Variants in SLC35C1 observed in about 807,000 individuals in gnomAD.
SLC35C1 encodes the protein solute carrier family 35 member C1, also known as GDP-fucose transporter 1.
SLC35C1 carries 8 observed loss-of-function variants against 23.2 expected under a neutral mutation model. The ratio of observed to expected loss-of-function variants is 0.35; its 90% confidence interval spans 0.20 to 0.62. SLC35C1 has a LOEUF of 0.62. Among genes scored for constraint, SLC35C1 ranks in the 20% least tolerant of loss-of-function variants. The pLI is 0.75. For missense variants in SLC35C1, 422 were observed against 478.6 expected (o/e 0.88, Z 1.10); for synonymous variants, 226 against 225.1 (o/e 1.00, Z -0.04).
rs1329037390 is a variant in SLC35C1, at chr11:45,812,002, G to A, written c.*667G>A. ...CTGTATGTCCAGCTTTTGAACACAA[G>A]GGAACCATGCTTCTCTTAGAGGTTA... On this transcript the variant is annotated 3_prime_UTR_variant, in exon 2 of 2. Coordinates refer to ENST00000314134, the MANE Select transcript of SLC35C1 (RefSeq NM_018389.5). 1.3e-5 allele frequency: 2 copies of A among 158,366 alleles called. No homozygotes were observed. Among genetic ancestry groups the A allele is most frequent in the African/African-American group, 4.8e-5 (2 of 41,534 alleles). 9.8% of individuals were successfully genotyped at this position (158,366 alleles called of 1,614,324 possible). A position where few individuals can be genotyped will look rare whatever the true frequency, so the allele number is the denominator to read the frequency against.
rs148127105 is a variant in SLC35C1 at position 45,812,657 on chromosome 11, A to G, written c.*1322A>G. On this transcript the variant is annotated 3_prime_UTR_variant, in exon 2 of 2. Transcript: ENST00000314134. ...CCCTGTTCATGAGGGTTCCGCCCCC[A>G]TGACCCAATCAGCTCCAAAGGCCCC... The G allele has an allele frequency of 7.8e-4, 357 of 455,960 alleles. 3 individuals are homozygous for G. Among genetic ancestry groups the G allele is most frequent in the African/African-American group, 6.6e-3 (329 of 50,166 alleles). 28.2% of individuals were successfully genotyped at this position (455,960 alleles called of 1,614,324 possible). A position where few individuals can be genotyped will look rare whatever the true frequency, so the allele number is the denominator to read the frequency against.
Position 45,812,093 on chromosome 11 carries a change from C to G in SLC35C1, c.*758C>G, listed in dbSNP as rs1482942116. The G allele has an allele frequency of 1.1e-5, 2 of 185,534 alleles. No homozygotes were observed. The highest frequency in any genetic ancestry group is 4.7e-5 in the African/African-American group (2 of 42,956). 11.5% of individuals were successfully genotyped at this position (185,534 alleles called of 1,614,324 possible). On this transcript the variant is annotated 3_prime_UTR_variant, in exon 2 of 2. Transcript: ENST00000314134. ...ATTGTCCTGCGTGGCTCCTCTGGCCCTGAGTGGCACCTGTCCCTCTGGTCT... is the reference window on the plus strand; with the variant it reads ...ATTGTCCTGCGTGGCTCCTCTGGCCGTGAGTGGCACCTGTCCCTCTGGTCT...
At chr11:45,807,788 C>T (rs1227235337) in intron 1 of SLC35C1, among the ~76,000 whole-genome samples, 1 of 152,138 alleles carries the variant, frequency 6.6e-6, no homozygotes, top group African/African-American at 2.4e-5. Flanking sequence ...CCTGCCAGAA[C>T]TCTCCCAGCC....
At position 45,805,792 on chromosome 11, in the gene SLC35C1, C is replaced by G. The variant is rs1175595531; in HGVS notation, c.-10C>G. On this transcript the variant is annotated 5_prime_UTR_variant, in exon 1 of 2. Transcript: ENST00000314134. ...TTCTGGCCGCGGGGTGACCCAGCTC[C>G]TCTGCTACCATGAATAGGGCCCCTC... is the stretch of plus-strand genomic sequence containing the variant. 1.2e-6 allele frequency: 2 copies of G among 1,612,460 alleles called. No individual in the cohort carries two copies. The highest frequency in any genetic ancestry group is 3.3e-5 in the Admixed American group (2 of 60,034).
upstream of SLC35C1, chr11:45,804,865 CG>C: frequency 3.4e-5 from 34 of 985,818 alleles, no homozygotes; most frequent in South Asian, 4.7e-5. Context: ...CTAGCCAAGT[CG>C]GGGGACGGAG....
chr11:45,811,625 T>C lies in SLC35C1; in HGVS notation c.*290T>C. The C allele has an allele frequency of 2.9e-6, 1 of 344,010 alleles. No homozygotes were observed. Among genetic ancestry groups the C allele is most frequent in the Non-Finnish European group, 5.3e-6 (1 of 188,592 alleles). 21.3% of individuals were successfully genotyped at this position (344,010 alleles called of 1,614,324 possible). On this transcript the variant is annotated 3_prime_UTR_variant, in exon 2 of 2. Transcript: ENST00000314134. ...TCCCGAGGGAGCACCCTAGTGAGAG[T>C]TGAACCCCTTCCTTCTGCCTCCAGG...
Position 45,811,355 on chromosome 11 carries a change from T to C in SLC35C1, c.*20T>C. The stretch of plus-strand genomic sequence containing the variant: ...GTGTGAGCACCACAGGCACCCTGGA[T>C]GGCCCGGCCCCGGGGCCCGTACACA... On this transcript the variant is annotated 3_prime_UTR_variant, in exon 2 of 2. Transcript: ENST00000314134. 6.7e-7 allele frequency: 1 copy of C among 1,482,530 alleles called. No individual in the cohort carries two copies. The allele number at this position is 1,482,530 out of a possible 1,614,324, so 91.8% of individuals were successfully genotyped here. A position where few individuals can be genotyped will look rare whatever the true frequency, so the allele number is the denominator to read the frequency against.
Position 45,805,780 on chromosome 11 carries a change from G to T in SLC35C1, c.-22G>T. ...AGGGAATCAGAGTTCTGGCCGCGGG[G>T]TGACCCAGCTCCTCTGCTACCATGA... On this transcript the variant is annotated 5_prime_UTR_variant, in exon 1 of 2. Coordinates refer to ENST00000314134, the MANE Select transcript of SLC35C1 (RefSeq NM_018389.5). The T allele has an allele frequency of 6.2e-7, 1 of 1,610,812 alleles. No individual in the cohort carries two copies. The highest frequency in any genetic ancestry group is 8.5e-7 in the Non-Finnish European group (1 of 1,179,940).
Position 45,805,186 on chromosome 11 carries a change from A to G in SLC35C1, c.-616A>G. 3 of 990,746 alleles carry G rather than the reference A, an allele frequency of 3.0e-6. No homozygotes were observed. The highest frequency in any genetic ancestry group is 3.6e-6 in the Non-Finnish European group (3 of 832,800). 61.4% of individuals were successfully genotyped at this position (990,746 alleles called of 1,614,324 possible). On this transcript the variant is annotated 5_prime_UTR_variant, in exon 1 of 2. Coordinates refer to ENST00000314134, the MANE Select transcript of SLC35C1 (RefSeq NM_018389.5). ...GAGGCTCCTGGGCTGAGCCGGCGAC[A>G]GAGCCCGGGAAGGCAGCGAGACGTG...
chr11:45,809,849 ACTG>A, intron 1 of SLC35C1: 2 of 985,452 alleles, frequency 2.0e-6, no homozygotes, highest in Non-Finnish European at 2.4e-6. Flanking sequence ...AAAAGACCAG[ACTG>A]TCACCATGGG....
Position 45,812,445 on chromosome 11 carries a change from T to G in SLC35C1, c.*1110T>G. The G allele has an allele frequency of 2.4e-6, 1 of 417,344 alleles. No individual in the cohort carries two copies. The highest frequency in any genetic ancestry group is 1.7e-5 in the South Asian group (1 of 58,872). 25.9% of individuals were successfully genotyped at this position (417,344 alleles called of 1,614,324 possible). A position where few individuals can be genotyped will look rare whatever the true frequency, so the allele number is the denominator to read the frequency against. Reference sequence around the variant, plus strand: ...ATCAAAATGCCGTAGGCCGGGTGGCTTACAAACAACAGAAACGTATTGCTC... The same window carrying G: ...ATCAAAATGCCGTAGGCCGGGTGGCGTACAAACAACAGAAACGTATTGCTC... On this transcript the variant is annotated 3_prime_UTR_variant, in exon 2 of 2. Transcript: ENST00000314134.
Position 45,812,154 on chromosome 11 carries a change from C to T in SLC35C1, c.*819C>T. ...GGCCCAGGTAACAGCCTTCTGAAAG[C>T]AGAGCCAAGGAGCTGCTTCTCTCTT... On this transcript the variant is annotated 3_prime_UTR_variant, in exon 2 of 2. Transcript: ENST00000314134. 5.2e-6 allele frequency: 1 copy of T among 192,240 alleles called. No homozygotes were observed. The highest frequency in any genetic ancestry group is 1.1e-5 in the Non-Finnish European group (1 of 90,230). The allele number at this position is 192,240 out of a possible 1,614,324, so 11.9% of individuals were successfully genotyped here. A position where few individuals can be genotyped will look rare whatever the true frequency, so the allele number is the denominator to read the frequency against.
chr11:45,804,385 G>C (rs1263007291), upstream of SLC35C1: 10 of 677,918 alleles, frequency 1.5e-5, no homozygotes, highest in Non-Finnish European at 1.8e-5. Flanking sequence ...GATGCAGCAC[G>C]GGGTCGCGGG....
At position 45,812,760 on chromosome 11, in the gene SLC35C1, C is replaced by T. The variant is rs763136393; in HGVS notation, c.*1425C>T. The T allele has an allele frequency of 1.2e-5, 5 of 432,408 alleles. No homozygotes were observed. Among genetic ancestry groups the T allele is most frequent in the Non-Finnish European group, 2.3e-5 (5 of 213,120 alleles). 26.8% of individuals were successfully genotyped at this position (432,408 alleles called of 1,614,324 possible). ...GGGAGTGGGGGACACACACAAATTT[C>T]GGGGCCATACCACCCTTCACCACAC... On this transcript the variant is annotated 3_prime_UTR_variant, in exon 2 of 2. Coordinates refer to ENST00000314134, the MANE Select transcript of SLC35C1 (RefSeq NM_018389.5).
At chr11:45,810,431 T>TAC in intron 1 of SLC35C1, 3 of 985,460 alleles carry the variant, frequency 3.0e-6, no homozygotes, top group Non-Finnish European at 3.6e-6. Context: ...GTCGCCCACT[T>TAC]ACAGGCTCTC....
At chr11:45,806,378 G>C (rs1471286208) in intron 1 of SLC35C1, 42 bp downstream of exon 1, 1 of 1,604,562 alleles carries the variant, frequency 6.2e-7, no homozygotes, top group South Asian at 1.1e-5. Flanking sequence ...GTGGTCATGG[G>C]GACTGAAGCA....
In SLC35C1 at chr11:45,805,758, G is replaced by A. The variant is rs766594374; in HGVS notation, c.-44G>A. ...TGAGCTCACTGCCCTGGACTCCAGG[G>A]AATCAGAGTTCTGGCCGCGGGGTGA... On this transcript the variant is annotated 5_prime_UTR_variant, in exon 1 of 2. Transcript: ENST00000314134. 1.9e-6 allele frequency: 3 copies of A among 1,607,168 alleles called. No homozygotes were observed. Among genetic ancestry groups the A allele is most frequent in the Non-Finnish European group, 1.7e-6 (2 of 1,179,876 alleles).
rs150743224 is a variant in SLC35C1, at chr11:45,811,143, G to A, written c.903G>A (p.Thr301=). ...TSPLTHNVSG[T]AKACAQTVLA... is the part of the protein sequence containing the mutation. ...CGCTGACCCACAATGTGTCGGGCAC[G>A]GCCAAGGCCTGTGCCCAGACAGTGC... The change falls in exon 2 of 2, where the codon ACG becomes ACA. Residue 301 remains threonine, a synonymous_variant. Coordinates refer to ENST00000314134, the MANE Select transcript of SLC35C1 (RefSeq NM_018389.5). 1.1e-5 allele frequency: 18 copies of A among 1,611,484 alleles called. No individual in the cohort carries two copies. The highest frequency in any genetic ancestry group is 2.7e-5 in the African/African-American group (2 of 74,950).
At position 45,806,087 on chromosome 11, in the gene SLC35C1, G is replaced by T; in HGVS notation, c.286G>T (p.Ala96Ser). Residue 96 changes from alanine (A) to serine (S), a missense_variant, in exon 1 of 2, where the codon GCC becomes TCC. Transcript: ENST00000314134. ...GTGCAAAGGCCTCAGCGCTCTGGCCGCCTGCTGCCCTGGTGCCGTGGACTT... is the reference window on the plus strand; with the variant it reads ...GTGCAAAGGCCTCAGCGCTCTGGCCTCCTGCTGCCCTGGTGCCGTGGACTT... The part of the protein sequence containing the change: ...LLCKGLSALA[A>S]CCPGAVDFPS... The T allele has an allele frequency of 6.2e-7, 1 of 1,611,450 alleles. No individual in the cohort carries two copies. Among genetic ancestry groups the T allele is most frequent in the Non-Finnish European group, 8.5e-7 (1 of 1,179,948 alleles).
Sources: allele counts gnomAD v4.1 joint callset (sites outside exome capture counted in the v4.1 genomes callset), GRCh38; gene constraint gnomAD v4.1.1; transcripts MANE v1.5; gene names NCBI Gene and HGNC (gene_info 2026-07-23, HGNC 2026-07-21).